The following VPS53 variants were observed in gnomAD, a reference collection of about 807,000 sequenced individuals.
The protein encoded by VPS53 is vacuolar protein sorting-associated protein 53 homolog.
VPS53 carries 70 observed loss-of-function variants against 107.0 expected under a neutral mutation model. The ratio of observed to expected loss-of-function variants is 0.65; its 90% confidence interval spans 0.54 to 0.80. VPS53 has a LOEUF of 0.80. Ranked by LOEUF, VPS53 falls within the 30% of genes least tolerant of loss-of-function variation. The probability of loss-of-function intolerance (pLI) is 0.00; values close to 1 mark genes in which losing one functional copy is unlikely to be tolerated. For synonymous variants in VPS53, 409 were observed against 393.3 expected, an observed-to-expected ratio of 1.04 and a Z score of -0.47; for missense variants, 917 against 1,049.4, an observed-to-expected ratio of 0.87 and a Z score of 1.74.
In VPS53 at chr17:597,391, C is replaced by T. The variant is rs989148698; in HGVS notation, c.1218+4404G>A. ...CTCTGGGAAGAGGGAGATCCTGGGG[C>T]GCCCACCTAATCAGCCACCAGCAAG... On this transcript the variant is annotated intron_variant, in intron 12 of 21. Transcript: ENST00000437048. Among the ~76,000 whole-genome samples, 10 of 152,260 alleles carry T rather than the reference C, an allele frequency of 6.6e-5. No individual in the cohort carries two copies. The South Asian group carries it at 1.2e-3, about 19-fold the overall frequency.
chr17:705,270 T>C (rs1166426464), intron 2 of VPS53, among the ~76,000 whole-genome samples: 3 of 152,072 alleles, frequency 2.0e-5, no homozygotes, highest in Non-Finnish European at 4.4e-5. Context: ...CAGCCAAATC[T>C]GGCTACCTAG....
chr17:713,705 C>T (rs185256747), intron 1 of VPS53, among the ~76,000 whole-genome samples: 92 of 151,628 alleles, frequency 6.1e-4, no homozygotes, highest in African/African-American at 2.1e-3. Flanking sequence ...TTTCTAATAT[C>T]ATTAGCCTTA....
intron 4 of VPS53, among the ~76,000 whole-genome samples, chr17:684,026 C>T (rs947226923): frequency 2.6e-5 from 4 of 152,192 alleles, no homozygotes; most frequent in Non-Finnish European, 5.9e-5. Flanking sequence ...TATGAAAAGA[C>T]TCTCACATTA....
chr17:532,981 G>C lies in VPS53; in HGVS notation c.2016-70C>G, dbSNP rs2304947. 0.17 allele frequency: 267,396 copies of C among 1,556,654 alleles called. 24,669 individuals are homozygous for C. Among genetic ancestry groups the C allele is most frequent in the Admixed American group, 0.31 (16,115 of 52,792 alleles). The stretch of plus-strand genomic sequence containing the variant: ...AGGAAAGAAATGCAAAAACTTTAAG[G>C]TTCCACGTATCTCCATGAAAAAACC... On this transcript the variant is annotated intron_variant, in intron 18 of 21. Transcript: ENST00000437048.
chr17:671,510 T>C (rs927753945), intron 4 of VPS53, among the ~76,000 whole-genome samples: 14 of 152,104 alleles, frequency 9.2e-5, no homozygotes, highest in African/African-American at 3.1e-4. Context: ...CTCTAGGAAG[T>C]AGTTTCATAA....
chr17:643,054 AAGGACAACACTCATACTTGGCAACTG>A (rs1567701184), intron 7 of VPS53, among the ~76,000 whole-genome samples: 19 of 92,340 alleles, frequency 2.1e-4, no homozygotes, highest in African/African-American at 4.7e-4. Context: ...CTTGGAAATC[AAGGACAACACTCATACTTGGCAACTG>A]AGGACAACAC....
chr17:558,529 G>A (rs1182625257), intron 15 of VPS53, among the ~76,000 whole-genome samples: 1 of 152,184 alleles, frequency 6.6e-6, no homozygotes, highest in Non-Finnish European at 1.5e-5. Context: ...AGCTACTCGC[G>A]AGGCTGAGGC....
At chr17:664,503 T>A (rs1404159603) in intron 4 of VPS53, among the ~76,000 whole-genome samples, 2 of 151,836 alleles carry the variant, frequency 1.3e-5, no homozygotes, top group East Asian at 3.9e-4. Context: ...CAGCGGGAAG[T>A]GTCTGGAAAT....
At chr17:565,403 CAAAAAAAAAAAAA>C (rs535932031) in intron 13 of VPS53, among the ~76,000 whole-genome samples, 6 of 82,534 alleles carry the variant, frequency 7.3e-5, no homozygotes, top group African/African-American at 2.8e-4. Flanking sequence ...AACCCCATCT[CAAAAAAAAAAAAA>C]AAAAAAAAAA....
At chr17:561,826 C>T (rs1165552979) in intron 14 of VPS53, among the ~76,000 whole-genome samples, 2 of 152,120 alleles carry the variant, frequency 1.3e-5, no homozygotes, top group Non-Finnish European at 2.9e-5. Flanking sequence ...GATGGGGTTT[C>T]ACCATATTAG....
chr17:702,174 G>A (rs1233826850), intron 2 of VPS53, among the ~76,000 whole-genome samples: 4 of 152,090 alleles, frequency 2.6e-5, no homozygotes, highest in Non-Finnish European at 5.9e-5. Context: ...ACAACGTGGT[G>A]AAACTCCGTC....
At chr17:673,738 A>G (rs1327468584) in intron 4 of VPS53, 3 of 152,266 alleles carry the variant, frequency 2.0e-5, no homozygotes, top group African/African-American at 7.2e-5. Context: ...TTTCTTTCCA[A>G]GTTTGTGAAC....
intron 13 of VPS53, among the ~76,000 whole-genome samples, chr17:572,393 C>A (rs1227147009): frequency 2.0e-5 from 3 of 150,216 alleles, no homozygotes; most frequent in Non-Finnish European, 4.4e-5. Flanking sequence ...CGGGCAGCCA[C>A]CCCGTCCGGG....
intron 15 of VPS53, 90 bp from the exon 16 acceptor site, chr17:553,552 G>A: frequency 2.3e-6 from 2 of 882,544 alleles, no homozygotes; most frequent in South Asian, 3.1e-5. Context: ...TGCGTTTGAT[G>A]ATTCAGGCAT....
chr17:703,818 T>A (rs1011708037), intron 2 of VPS53, among the ~76,000 whole-genome samples: 20 of 151,414 alleles, frequency 1.3e-4, no homozygotes, highest in Non-Finnish European at 2.4e-4. Context: ...TTTTTTTTTT[T>A]AAGGCAGGAT....
rs369335262 is a variant in VPS53, at chr17:675,976, G to A, written c.286-14081C>T. 6.6e-5 allele frequency among the ~76,000 whole-genome samples: 10 copies of A among 152,058 alleles called. No homozygotes were observed. The East Asian group carries it at 1.2e-3, about 18-fold the overall frequency. On this transcript the variant is annotated intron_variant, in intron 4 of 21. Transcript: ENST00000437048. ...TACAGAAACAGAAATTAGAAACCCCGGCATGGGATCCAATAATATACGGAG... is the reference window on the plus strand; with the variant it reads ...TACAGAAACAGAAATTAGAAACCCCAGCATGGGATCCAATAATATACGGAG...
chr17:650,298 C>G (rs958531524), intron 7 of VPS53, among the ~76,000 whole-genome samples: 18 of 151,836 alleles, frequency 1.2e-4, no homozygotes, highest in African/African-American at 4.4e-4. Flanking sequence ...AGTTGAAGAC[C>G]AACCTGGGCA....
intron 4 of VPS53, among the ~76,000 whole-genome samples, chr17:672,914 C>T (rs1219371881): frequency 1.3e-5 from 2 of 152,086 alleles, no homozygotes; most frequent in African/African-American, 2.4e-5. Flanking sequence ...AGATCGAGAC[C>T]ATCCTGGCGA....
At chr17:560,343 G>T in intron 15 of VPS53, 83 bp downstream of exon 15, 2 of 1,498,936 alleles carry the variant, frequency 1.3e-6, no homozygotes, top group South Asian at 1.3e-5. Flanking sequence ...GCCATGTTAG[G>T]ACGTATATTC....
Sources: gnomAD v4.1 joint callset for allele counts (sites outside exome capture counted in the v4.1 genomes callset) on GRCh38, gnomAD v4.1.1 for gene constraint, MANE v1.5 for transcripts, NCBI Gene and HGNC (gene_info 2026-07-23, HGNC 2026-07-21) for gene names.